LOC400499: variants seen among roughly 807,000 people sequenced by gnomAD.
chr16:11,473,951 G>A, the LOC400499 span, among the ~76,000 whole-genome samples: 1 of 152,122 alleles, frequency 6.6e-6, no homozygotes, highest in Non-Finnish European at 1.5e-5. Flanking sequence ...GACCTCCTGG[G>A]CTCAAGCGGA....
At chr16:11,482,653 G>A in the LOC400499 span, among the ~76,000 whole-genome samples, 1 of 152,154 alleles carries the variant, frequency 6.6e-6, no homozygotes, top group African/African-American at 2.4e-5. Flanking sequence ...CACTTTGGGA[G>A]GCTGAGGCAG....
At chr16:11,490,101 A>G in the LOC400499 span, among the ~76,000 whole-genome samples, 3 of 152,156 alleles carry the variant, frequency 2.0e-5, no homozygotes, top group Non-Finnish European at 2.9e-5. Flanking sequence ...TAAAGACAAA[A>G]AGCAAGCAGC....
At chr16:11,450,395 G>A in the LOC400499 span, among the ~76,000 whole-genome samples, 5 of 152,226 alleles carry the variant, frequency 3.3e-5, no homozygotes, top group Non-Finnish European at 5.9e-5. Flanking sequence ...GCCGAGCAGG[G>A]ATGTGGGAAA....
At chr16:11,498,712 G>A in the LOC400499 span, among the ~76,000 whole-genome samples, 5 of 151,654 alleles carry the variant, frequency 3.3e-5, no homozygotes, top group Admixed American at 3.3e-4. Flanking sequence ...ATGAGCTCTG[G>A]CCTGCACATG....
At chr16:11,436,751 CT>C in the LOC400499 span, among the ~76,000 whole-genome samples, 1 of 151,786 alleles carries the variant, frequency 6.6e-6, no homozygotes, top group Non-Finnish European at 1.5e-5. Context: ...CCATGCCCAG[CT>C]AATTTTTTTT....
chr16:11,476,548 CAT>C, the LOC400499 span, among the ~76,000 whole-genome samples: 2,641 of 152,220 alleles, frequency 0.017, 79 homozygotes, highest in African/African-American at 0.06. Flanking sequence ...CATACATTCT[CAT>C]ATGTCTGATC....
chr16:11,505,954 G>A, the LOC400499 span, among the ~76,000 whole-genome samples: 1 of 152,138 alleles, frequency 6.6e-6, no homozygotes, highest in African/African-American at 2.4e-5. Flanking sequence ...GGAATCTATT[G>A]AGTATTAGAG....
At chr16:11,517,548 C>T in the LOC400499 span, among the ~76,000 whole-genome samples, 2 of 152,180 alleles carry the variant, frequency 1.3e-5, no homozygotes, top group Admixed American at 1.3e-4. Flanking sequence ...GGGATTTGAA[C>T]CCAGCCAGGC....
chr16:11,391,880 G>A, the LOC400499 span: 1 of 1,186,772 alleles, frequency 8.4e-7, no homozygotes, highest in Non-Finnish European at 1.1e-6. Context: ...GGAAACCGAG[G>A]CAGAATCAGG....
chr16:11,401,570 A>C, the LOC400499 span, among the ~76,000 whole-genome samples: 1 of 151,890 alleles, frequency 6.6e-6, no homozygotes, highest in African/African-American at 2.4e-5. Context: ...AGCTCAGTCC[A>C]TTTCACAGAG....
At chr16:11,471,559 G>C in the LOC400499 span, 1 of 398,730 alleles carries the variant, frequency 2.5e-6, no homozygotes, top group Non-Finnish European at 4.4e-6. Context: ...AACAGCCCCA[G>C]AGAGGAGCCC....
At chr16:11,448,015 C>T in the LOC400499 span, 5 of 1,535,920 alleles carry the variant, frequency 3.3e-6, no homozygotes, top group East Asian at 2.4e-5. Flanking sequence ...CTGCAGGCCC[C>T]GAGGCTGGCC....
chr16:11,436,837 G>A, the LOC400499 span, among the ~76,000 whole-genome samples: 4 of 151,896 alleles, frequency 2.6e-5, no homozygotes, highest in Admixed American at 2.6e-4. Context: ...CAGGTGATCT[G>A]TCTGCCTCGA....
the LOC400499 span, among the ~76,000 whole-genome samples, chr16:11,435,041 A>C: frequency 2.0e-4 from 30 of 152,196 alleles, no homozygotes; most frequent in Non-Finnish European, 4.1e-4. Flanking sequence ...GCAATGCTGC[A>C]ATCTTACAGC....
chr16:11,469,106 T>A, the LOC400499 span: 11,419 of 399,072 alleles, frequency 0.029, 1,152 homozygotes, highest in African/African-American at 0.21. Flanking sequence ...AGGGCTCTGG[T>A]ACGGGGGAAG....
At chr16:11,426,005 G>A in the LOC400499 span, among the ~76,000 whole-genome samples, 1 of 152,082 alleles carries the variant, frequency 6.6e-6, no homozygotes. Flanking sequence ...AAAATGCAGG[G>A]AATCCCACTA....
At chr16:11,392,560 CT>C in the LOC400499 span, 7 of 400,676 alleles carry the variant, frequency 1.7e-5, no homozygotes, top group East Asian at 7.1e-5. Context: ...CCCACTCCCC[CT>C]CCACCGCTTT....
chr16:11,422,084 A>G, the LOC400499 span, among the ~76,000 whole-genome samples: 2 of 152,244 alleles, frequency 1.3e-5, no homozygotes. Context: ...CCCTGTACCC[A>G]ATGCACACAG....
the LOC400499 span, chr16:11,516,297 C>G: frequency 1.5e-5 from 6 of 399,378 alleles, no homozygotes; most frequent in Non-Finnish European, 2.2e-5. Flanking sequence ...GGGTTACGGC[C>G]CAGGGTGGCA....
Sources: gnomAD v4.1 joint callset for allele counts (sites outside exome capture counted in the v4.1 genomes callset) on GRCh38, gnomAD v4.1.1 for gene constraint, MANE v1.5 for transcripts.